The following NUP214 variants were observed in gnomAD, a reference collection of about 807,000 sequenced individuals.
NUP214 encodes the protein nucleoporin 214.
In NUP214, 79 loss-of-function variants were observed where a neutral mutation model predicts 196.2. The observed-to-expected ratio is 0.40, with a 90% CI of 0.34 to 0.49. NUP214 has a LOEUF of 0.49. NUP214 is among the 20% of genes least tolerant of loss of function. The pLI, the probability that NUP214 is intolerant of heterozygous loss-of-function variation, is 0.58. For missense variants in NUP214, 2,468 were observed against 2,539.0 expected (o/e 0.97, Z 0.60); for synonymous variants, 1,020 against 990.5 (o/e 1.03, Z -0.56).
In NUP214 at chr9:131,197,259, C is replaced by T; in HGVS notation, c.3765C>T (p.Phe1255=). The T allele has an allele frequency of 6.2e-7, 1 of 1,614,184 alleles. No homozygotes were observed. The highest frequency in any genetic ancestry group is 8.5e-7 in the Non-Finnish European group (1 of 1,180,020). The change falls in exon 29 of 36, where the codon TTC becomes TTT. Residue 1255 remains phenylalanine, a synonymous_variant. Transcript: ENST00000359428. ...AAGAGTCAAGCCAGCCGGACGCATT[C>T]TCATCTGGTGGGGGAAGCAAACCTT... ...STKESSQPDA[F]SSGGGSKPSY... is the part of the protein sequence containing the mutation.
intron 33 of NUP214, chr9:131,229,806 C>G (rs957611200): frequency 5.9e-6 from 3 of 511,830 alleles, no homozygotes; most frequent in Non-Finnish European, 1.2e-5. Flanking sequence ...ATGGAAAGAG[C>G]CTTGACCTCA....
chr9:131,183,205 C>A (rs1372219123), intron 24 of NUP214, among the ~76,000 whole-genome samples: 2 of 152,222 alleles, frequency 1.3e-5, no homozygotes, highest in African/African-American at 4.8e-5. Context: ...CTGCCTCAGC[C>A]TCCCTAGTAG....
At position 131,230,856 on chromosome 9, in the gene NUP214, A is replaced by G. The variant is rs541175575; in HGVS notation, c.6214+87A>G. ...AGAAATGAGTATGTTTTACCTGACC[A>G]GTCTGTTTAGTATTTTAAAAGCTGA... On this transcript the variant is annotated intron_variant, in intron 34 of 35. Coordinates refer to ENST00000359428, the MANE Select transcript of NUP214 (RefSeq NM_005085.4). The G allele has an allele frequency of 3.5e-5, 51 of 1,444,022 alleles. No homozygotes were observed. The Middle Eastern group carries it at 5.3e-4, about 15-fold the overall frequency. 89.5% of individuals were successfully genotyped at this position (1,444,022 alleles called of 1,614,324 possible).
chr9:131,174,841 G>T (rs958627665), intron 22 of NUP214, among the ~76,000 whole-genome samples: 1 of 152,196 alleles, frequency 6.6e-6, no homozygotes, highest in Non-Finnish European at 1.5e-5. Flanking sequence ...CTAGGCCATT[G>T]TGAGGAAGGA....
intron 9 of NUP214, among the ~76,000 whole-genome samples, chr9:131,138,427 A>G (rs1157152155): frequency 6.6e-6 from 1 of 152,156 alleles, no homozygotes; most frequent in Non-Finnish European, 1.5e-5. Flanking sequence ...CATGTTGACC[A>G]GGCTGGTTTC....
At chr9:131,152,503 TAAAA>T (rs894181031) in intron 17 of NUP214, among the ~76,000 whole-genome samples, 30 of 151,232 alleles carry the variant, frequency 2.0e-4, no homozygotes, top group Non-Finnish European at 3.8e-4. Flanking sequence ...AAATAAATAA[TAAAA>T]ATAAATAATA....
At chr9:131,184,645 A>G (rs1833399579) in intron 24 of NUP214, among the ~76,000 whole-genome samples, 1 of 152,080 alleles carries the variant, frequency 6.6e-6, no homozygotes, top group Non-Finnish European at 1.5e-5. Flanking sequence ...CTATTTTTTC[A>G]TATTTAATGT....
chr9:131,181,419 G>A (rs981253845), intron 24 of NUP214, among the ~76,000 whole-genome samples: 4 of 152,120 alleles, frequency 2.6e-5, no homozygotes, highest in Non-Finnish European at 5.9e-5. Flanking sequence ...GTTTACAGAG[G>A]TGCTGCACCA....
intron 18 of NUP214, among the ~76,000 whole-genome samples, chr9:131,161,734 G>A (rs1373762656): frequency 6.6e-6 from 1 of 152,176 alleles, no homozygotes; most frequent in Non-Finnish European, 1.5e-5. Context: ...AGAGTCACTT[G>A]TTGCTTAACG....
chr9:131,175,494 G>T lies in NUP214; in HGVS notation c.3192G>T (p.Gly1064=), dbSNP rs779062542. 9 of 1,613,914 alleles carry T rather than the reference G, an allele frequency of 5.6e-6. No homozygotes were observed. The South Asian group carries it at 6.6e-5, about 12-fold the overall frequency. Reference sequence around the variant, plus strand: ...CTGCTAGCAAAATTATTCCTCAAGGGGCCGATAGCACAATGCTTGCCACGA... The same window carrying T: ...CTGCTAGCAAAATTATTCCTCAAGGTGCCGATAGCACAATGCTTGCCACGA... ...ATSASKIIPQ[G]ADSTMLATKT... The change falls in exon 23 of 36, where the codon GGG becomes GGT. Residue 1064 remains glycine, a synonymous_variant. Transcript: ENST00000359428.
chr9:131,150,886 C>T lies in NUP214; in HGVS notation c.2277+121C>T, dbSNP rs115748044. 402 of 931,804 alleles carry T rather than the reference C, an allele frequency of 4.3e-4. 2 individuals are homozygous for T. The African/African-American group carries it at 6.1e-3, about 14-fold the overall frequency. 57.7% of individuals were successfully genotyped at this position (931,804 alleles called of 1,614,324 possible). A position where few individuals can be genotyped will look rare whatever the true frequency, so the allele number is the denominator to read the frequency against. On this transcript the variant is annotated intron_variant, in intron 16 of 35. Transcript: ENST00000359428. ...ACCACCAGTGTTGTTGTTTTTTTAA[C>T]GTGGCTGAGTAGCTTGCCTAGAATC... is the stretch of plus-strand genomic sequence containing the variant.
In NUP214 at chr9:131,132,589, C is replaced by G; in HGVS notation, c.664-7C>G. On this transcript the variant is annotated splice_polypyrimidine_tract_variant and splice_region_variant and intron_variant, in intron 5 of 35. Transcript: ENST00000359428. ...ATACTTTATTTTCCCCTCCAAATCTCTTTCAGACTTTGCAGGAAAAAAAAG... is the reference window on the plus strand; with the variant it reads ...ATACTTTATTTTCCCCTCCAAATCTGTTTCAGACTTTGCAGGAAAAAAAAG... 1 of 1,612,534 alleles carries G rather than the reference C, an allele frequency of 6.2e-7. No individual in the cohort carries two copies. Among genetic ancestry groups the G allele is most frequent in the East Asian group, 2.2e-5 (1 of 44,866 alleles).
In NUP214 at chr9:131,178,428, T is replaced by A; in HGVS notation, c.3419+18T>A. ...GCCATGGGGTATGTTCTGACTGCAG[T>A]GTGTTTCAGCCCCTGGCTGCTTCTG... On this transcript the variant is annotated intron_variant, in intron 24 of 35. Coordinates refer to ENST00000359428, the MANE Select transcript of NUP214 (RefSeq NM_005085.4). The A allele has an allele frequency of 6.4e-7, 1 of 1,574,484 alleles. No individual in the cohort carries two copies. Among genetic ancestry groups the A allele is most frequent in the Non-Finnish European group, 8.7e-7 (1 of 1,145,068 alleles).
intron 21 of NUP214, chr9:131,164,429 G>T (rs1184450656): frequency 2.6e-6 from 1 of 383,682 alleles, no homozygotes; most frequent in African/African-American, 2.0e-5. Flanking sequence ...TTATGGCACT[G>T]ATTCACAAGG....
At chr9:131,223,715 A>ATTTT (rs1834630927) in intron 32 of NUP214, among the ~76,000 whole-genome samples, 1 of 14,086 alleles carries the variant, frequency 7.1e-5, no homozygotes, top group African/African-American at 1.4e-4. Context: ...TTTTATTTTT[A>ATTTT]TTTATTTATT....
At chr9:131,230,533 C>A (rs1027086608) in intron 33 of NUP214, 97 bp from the exon 34 acceptor site, 1 of 1,416,992 alleles carries the variant, frequency 7.1e-7, no homozygotes, top group South Asian at 1.2e-5. Context: ...TCATGAGTGT[C>A]GTGTGTATTG....
At position 131,172,643 on chromosome 9, in the gene NUP214, G is replaced by A. The variant is rs1171345272; in HGVS notation, c.2894-1412G>A. 2.0e-5 allele frequency among the ~76,000 whole-genome samples: 3 copies of A among 152,212 alleles called. No individual in the cohort carries two copies. The East Asian group carries it at 5.8e-4, about 29-fold the overall frequency. ...CTGTAGAGGACATGAAATGTGGATA[G>A]TGCAATCGAGGAATTGATTTTTCAT... On this transcript the variant is annotated intron_variant, in intron 21 of 35. Transcript: ENST00000359428.
At chr9:131,149,260 A>G (rs1045248039) in intron 14 of NUP214, among the ~76,000 whole-genome samples, 1 of 151,968 alleles carries the variant, frequency 6.6e-6, no homozygotes, top group African/African-American at 2.4e-5. Flanking sequence ...TTTGCTGTTA[A>G]TGAATGCTGA....
intron 21 of NUP214, among the ~76,000 whole-genome samples, chr9:131,169,377 GCATGCCTGTAATCC>G (rs1554732407): frequency 6.6e-6 from 1 of 152,104 alleles, no homozygotes; most frequent in Non-Finnish European, 1.5e-5. Flanking sequence ...GCAAGGTGGT[GCATGCCTGTAATCC>G]CAGCTGTTTT....
Sources: allele counts gnomAD v4.1 joint callset (sites outside exome capture counted in the v4.1 genomes callset), GRCh38; gene constraint gnomAD v4.1.1; transcripts MANE v1.5; gene names NCBI Gene and HGNC (gene_info 2026-07-23, HGNC 2026-07-21).